The following CNTNAP2 variants were observed in gnomAD, a reference collection of about 807,000 sequenced individuals.
CNTNAP2 encodes the protein contactin associated protein 2, also known as contactin-associated protein-like 2.
CNTNAP2 carries 98 observed loss-of-function variants against 155.2 expected under a neutral mutation model. That is an observed-to-expected ratio of 0.63 (90% CI 0.54 to 0.75). The LOEUF (loss-of-function observed/expected upper bound fraction) is 0.75. Ranked by LOEUF, CNTNAP2 falls within the 30% of genes least tolerant of loss-of-function variation. The probability of loss-of-function intolerance (pLI) is 0.00; values close to 1 mark genes in which losing one functional copy is unlikely to be tolerated. For missense variants in CNTNAP2, 1,727 were observed against 1,688.1 expected (o/e 1.02, Z -0.40); for synonymous variants, 651 against 631.2 (o/e 1.03, Z -0.47).
At chr7:147,775,353 ATATATTTATAAATATATATATATT>A (rs1797562743) in intron 13 of CNTNAP2, among the ~76,000 whole-genome samples, 1 of 43,284 alleles carries the variant, frequency 2.3e-5, no homozygotes, top group East Asian at 3.9e-4. Context: ...ATATATTTAT[ATATATTTATAAATATATATATATT>A]TATATATATT....
At chr7:146,195,084 C>A (rs1038035146) in intron 1 of CNTNAP2, 2 of 152,178 alleles carry the variant, frequency 1.3e-5, no homozygotes, top group African/African-American at 4.8e-5. Flanking sequence ...CCAGCTTTGT[C>A]ATTTTATTCT....
At chr7:147,086,530 G>T (rs559505188) in intron 4 of CNTNAP2, among the ~76,000 whole-genome samples, 43 of 152,024 alleles carry the variant, frequency 2.8e-4, no homozygotes, top group African/African-American at 9.4e-4. Context: ...TCAGTTTCCT[G>T]GCTCAGTCAG....
chr7:146,712,225 A>T (rs190604815), intron 1 of CNTNAP2, among the ~76,000 whole-genome samples: 3,534 of 107,510 alleles, frequency 0.033, 455 homozygotes, highest in African/African-American at 0.11. Context: ...TATGTATACA[A>T]ATATGTATAC....
At chr7:147,778,648 TC>T (rs1797622759) in intron 13 of CNTNAP2, among the ~76,000 whole-genome samples, 1 of 152,096 alleles carries the variant, frequency 6.6e-6, no homozygotes, top group African/African-American at 2.4e-5. Context: ...TTGCAGATGT[TC>T]CAGAAAAAAA....
intron 9 of CNTNAP2, among the ~76,000 whole-genome samples, chr7:147,339,509 C>A (rs7791624): frequency 0.39 from 59,508 of 152,018 alleles, 11,953 homozygotes; most frequent in South Asian, 0.49. Context: ...AGCCACCAGA[C>A]TCCATGAGCC....
At chr7:147,029,214 C>T (rs1344510854) in intron 3 of CNTNAP2, among the ~76,000 whole-genome samples, 4 of 152,044 alleles carry the variant, frequency 2.6e-5, no homozygotes, top group African/African-American at 2.4e-5. Context: ...CCACCCGCCT[C>T]GGCCTCCCAA....
At chr7:147,001,784 A>C (rs1242561523) in intron 3 of CNTNAP2, among the ~76,000 whole-genome samples, 1 of 152,038 alleles carries the variant, frequency 6.6e-6, no homozygotes, top group African/African-American at 2.4e-5. Flanking sequence ...AAAAGAAAAG[A>C]TGTAACACTG....
At chr7:146,879,338 A>T (rs1375174586) in intron 3 of CNTNAP2, among the ~76,000 whole-genome samples, 3 of 152,166 alleles carry the variant, frequency 2.0e-5, no homozygotes, top group Admixed American at 6.6e-5. Flanking sequence ...TATATAAGAT[A>T]TTCCCAACTT....
chr7:147,713,573 A>G (rs139400470), intron 13 of CNTNAP2, among the ~76,000 whole-genome samples: 2,511 of 152,266 alleles, frequency 0.016, 224 homozygotes, highest in Admixed American at 0.15. Context: ...GTAATTTCCA[A>G]TGTGGGACCA....
In CNTNAP2 at chr7:146,989,066, C is replaced by G. The variant is rs61280095; in HGVS notation, c.403-54841C>G. Reference sequence around the variant, plus strand: ...GATGTTTGCTTTATATCACAATTGTCTTTTCCCCCTAATCTTGGCAACTCA... The same window carrying G: ...GATGTTTGCTTTATATCACAATTGTGTTTTCCCCCTAATCTTGGCAACTCA... On this transcript the variant is annotated intron_variant, in intron 3 of 23. Transcript: ENST00000361727. 2.8e-3 allele frequency among the ~76,000 whole-genome samples: 426 copies of G among 152,242 alleles called. 3 individuals are homozygous for G. The highest frequency in any genetic ancestry group is 9.7e-3 in the African/African-American group (405 of 41,552).
intron 11 of CNTNAP2, among the ~76,000 whole-genome samples, chr7:147,538,501 C>G (rs893798706): frequency 6.6e-6 from 1 of 151,922 alleles, no homozygotes; most frequent in African/African-American, 2.4e-5. Flanking sequence ...AAAATAAAAA[C>G]TTAGCCCATG....
chr7:147,661,830 C>A lies in CNTNAP2; in HGVS notation c.2098+22524C>A, dbSNP rs572816321. ...CCTCCCAAAGTGCTGGGATTATAGG[C>A]GTGAGCCACGGCGCCTGGCCCATTG... is the stretch of plus-strand genomic sequence containing the variant. On this transcript the variant is annotated intron_variant, in intron 13 of 23. Coordinates refer to ENST00000361727, the MANE Select transcript of CNTNAP2 (RefSeq NM_014141.6). Among the ~76,000 whole-genome samples, 4 of 152,262 alleles carry A rather than the reference C, an allele frequency of 2.6e-5. No individual in the cohort carries two copies. The South Asian group carries it at 8.3e-4, about 32-fold the overall frequency.
chr7:146,937,495 TAAG>T (rs1796944356), intron 3 of CNTNAP2, among the ~76,000 whole-genome samples: 2 of 152,194 alleles, frequency 1.3e-5, no homozygotes, highest in Admixed American at 1.3e-4. Context: ...TTATTTCTGT[TAAG>T]AAGAGGAAAC....
chr7:146,931,815 G>T (rs907279891), intron 3 of CNTNAP2, among the ~76,000 whole-genome samples: 1 of 151,698 alleles, frequency 6.6e-6, no homozygotes, highest in Non-Finnish European at 1.5e-5. Context: ...ACACCTCTAC[G>T]CAAATAAACT....
intron 8 of CNTNAP2, among the ~76,000 whole-genome samples, chr7:147,133,323 G>A (rs1801413613): frequency 1.3e-5 from 2 of 151,984 alleles, no homozygotes; most frequent in South Asian, 4.1e-4. Context: ...ATATTGTGAA[G>A]AACTACTTAG....
chr7:147,022,610 T>TG (rs1004296886), intron 3 of CNTNAP2, among the ~76,000 whole-genome samples: 9 of 145,328 alleles, frequency 6.2e-5, no homozygotes, highest in Admixed American at 5.4e-4. Context: ...AACACATGGT[T>TG]TTTTTTTTTT....
chr7:147,894,030 T>G (rs909676353), intron 13 of CNTNAP2: 2 of 152,236 alleles, frequency 1.3e-5, no homozygotes, highest in African/African-American at 4.8e-5. Flanking sequence ...ATCAGATGAT[T>G]TGGAGGACTC....
chr7:147,355,639 A>G (rs1450685434), intron 9 of CNTNAP2, among the ~76,000 whole-genome samples: 3 of 152,152 alleles, frequency 2.0e-5, no homozygotes, highest in Non-Finnish European at 2.9e-5. Flanking sequence ...ACAAACTACC[A>G]TCAGAGAATA....
intron 21 of CNTNAP2, among the ~76,000 whole-genome samples, chr7:148,363,930 G>T (rs897305585): frequency 2.0e-5 from 3 of 152,054 alleles, no homozygotes; most frequent in Non-Finnish European, 4.4e-5. Context: ...CTGGCCCCGG[G>T]CAATGGGGGA....
Sources: allele counts gnomAD v4.1 joint callset (sites outside exome capture counted in the v4.1 genomes callset), GRCh38; gene constraint gnomAD v4.1.1; transcripts MANE v1.5; gene names NCBI Gene and HGNC (gene_info 2026-07-23, HGNC 2026-07-21).